NEK1: variants seen among roughly 807,000 people sequenced by gnomAD.
NEK1 encodes the protein NIMA related kinase 1.
In NEK1, 137 loss-of-function variants were observed where a neutral mutation model predicts 182.1. The ratio of observed to expected loss-of-function variants is 0.75; its 90% confidence interval spans 0.65 to 0.87. The LOEUF (loss-of-function observed/expected upper bound fraction) is 0.87. Ranked by LOEUF, NEK1 falls within the 40% of genes least tolerant of loss-of-function variation. NEK1 has a pLI of 0.00. For missense variants in NEK1, 1,391 were observed against 1,494.4 expected (o/e 0.93, Z 1.14); for synonymous variants, 513 against 492.2 (o/e 1.04, Z -0.56).
chr4:169,450,055 G>C (rs190890620), intron 27 of NEK1, among the ~76,000 whole-genome samples: 1 of 152,134 alleles, frequency 6.6e-6, no homozygotes, highest in Non-Finnish European at 1.5e-5. Flanking sequence ...TAGCTGATTC[G>C]ATCAAGTGGA....
chr4:169,445,530 A>G (rs1486251070), intron 27 of NEK1, among the ~76,000 whole-genome samples: 1 of 152,192 alleles, frequency 6.6e-6, no homozygotes, highest in African/African-American at 2.4e-5. Flanking sequence ...AGCAACATGG[A>G]TGGAGCTGGA....
intron 19 of NEK1, among the ~76,000 whole-genome samples, chr4:169,536,169 C>T (rs1758466540): frequency 6.6e-6 from 1 of 151,584 alleles, no homozygotes; most frequent in Admixed American, 6.6e-5. Flanking sequence ...TGGTGGTACA[C>T]ACCTGTGATC....
intron 2 of NEK1, among the ~76,000 whole-genome samples, chr4:169,603,578 T>A (rs1178071230): frequency 1.3e-5 from 2 of 152,222 alleles, no homozygotes; most frequent in Admixed American, 1.3e-4. Flanking sequence ...TTGGCACATA[T>A]GAACACTGTG....
intron 23 of NEK1, among the ~76,000 whole-genome samples, chr4:169,502,535 T>C (rs1331302894): frequency 6.6e-6 from 1 of 152,038 alleles, no homozygotes; most frequent in Non-Finnish European, 1.5e-5. Context: ...AAAATTTGTA[T>C]GATCAAGTGA....
Position 169,565,178 on chromosome 4 carries a change from T to C in NEK1, c.1021-2982A>G, listed in dbSNP as rs559338500. 7.2e-5 allele frequency among the ~76,000 whole-genome samples: 11 copies of C among 152,334 alleles called. No individual in the cohort carries two copies. In the East Asian group the frequency reaches 2.1e-3, roughly 29 times the overall value. On this transcript the variant is annotated intron_variant, in intron 12 of 35. Coordinates refer to ENST00000507142, the MANE Select transcript of NEK1 (RefSeq NM_001199397.3). Reference sequence around the variant, plus strand: ...GAGATAAAAACAATACTGAAATATTTAAAGAACATTAGCTTTCAAACTTTT... The same window carrying C: ...GAGATAAAAACAATACTGAAATATTCAAAGAACATTAGCTTTCAAACTTTT...
intron 35 of NEK1, among the ~76,000 whole-genome samples, chr4:169,394,832 G>A (rs1053062867): frequency 2.0e-5 from 3 of 152,080 alleles, no homozygotes; most frequent in Non-Finnish European, 4.4e-5. Context: ...TGAAACATAG[G>A]TTTTCCACTG....
In NEK1 at chr4:169,438,190, T is replaced by A; in HGVS notation, c.2657A>T (p.His886Leu). The A allele has an allele frequency of 6.3e-7, 1 of 1,593,088 alleles. No homozygotes were observed. The highest frequency in any genetic ancestry group is 8.6e-7 in the Non-Finnish European group (1 of 1,167,868). ...AACAATAGCTGATGGGTTTATTTCA[T>A]GTGAAATACATTGTACTTTTTTTTC... Reference protein sequence around the residue: ...TGEKKVQCISHEINPSAIVDS... With the variant: ...TGEKKVQCISLEINPSAIVDS... The change falls in exon 28 of 36, where the codon CAT becomes CTT. Residue 886 changes from histidine to leucine, a missense_variant. Transcript: ENST00000507142.
chr4:169,493,110 G>A (rs1750430243), intron 23 of NEK1, among the ~76,000 whole-genome samples: 1 of 152,098 alleles, frequency 6.6e-6, no homozygotes, highest in African/African-American at 2.4e-5. Flanking sequence ...CTGGACTGCA[G>A]CCTGAATTAC....
chr4:169,461,931 A>T (rs1413309969), intron 27 of NEK1, among the ~76,000 whole-genome samples: 2 of 152,132 alleles, frequency 1.3e-5, no homozygotes, highest in Admixed American at 1.3e-4. Context: ...GACTGAATGA[A>T]GAGAAATCAT....
chr4:169,477,683 T>C (rs981126951), intron 24 of NEK1, among the ~76,000 whole-genome samples, 186 bp from the exon 25 acceptor site: 4 of 152,026 alleles, frequency 2.6e-5, no homozygotes, highest in Non-Finnish European at 4.4e-5. Context: ...TATTATTAAT[T>C]AGACAACATA....
At chr4:169,410,894 G>A (rs777370463) in intron 31 of NEK1, among the ~76,000 whole-genome samples, 1 of 152,208 alleles carries the variant, frequency 6.6e-6, no homozygotes, top group Non-Finnish European at 1.5e-5. Flanking sequence ...CCCCTAAAGT[G>A]AAGAAACACG....
chr4:169,552,795 G>A (rs376797020), intron 18 of NEK1, among the ~76,000 whole-genome samples: 31 of 152,068 alleles, frequency 2.0e-4, no homozygotes, highest in African/African-American at 7.2e-4. Flanking sequence ...ATATAAACAA[G>A]GAACAAGTAG....
intron 16 of NEK1, 143 bp downstream of exon 16, chr4:169,561,337 C>T (rs1162771733): frequency 1.4e-6 from 1 of 697,992 alleles, no homozygotes; most frequent in East Asian, 2.7e-5. Flanking sequence ...GCTAAGTATT[C>T]ATAATAAATG....
chr4:169,452,565 CAT>C (rs1742026513), intron 27 of NEK1, among the ~76,000 whole-genome samples: 1 of 152,186 alleles, frequency 6.6e-6, no homozygotes, highest in Non-Finnish European at 1.5e-5. Context: ...ACAAAAACCA[CAT>C]GATTATCTCA....
chr4:169,445,620 A>C (rs1018631397), intron 27 of NEK1, among the ~76,000 whole-genome samples: 1 of 151,904 alleles, frequency 6.6e-6, no homozygotes, highest in African/African-American at 2.4e-5. Context: ...AACCTAAATA[A>C]TTGGTACACA....
At chr4:169,457,396 G>A (rs1743095884) in intron 27 of NEK1, among the ~76,000 whole-genome samples, 1 of 151,342 alleles carries the variant, frequency 6.6e-6, no homozygotes, top group Non-Finnish European at 1.5e-5. Context: ...TTGACTGAGA[G>A]GAAAGGCAAA....
intron 26 of NEK1, among the ~76,000 whole-genome samples, chr4:169,463,754 A>G (rs1053809755): frequency 3.3e-5 from 5 of 152,178 alleles, no homozygotes; most frequent in Non-Finnish European, 5.9e-5. Flanking sequence ...GTGCATATAC[A>G]TAACGAGAAT....
intron 18 of NEK1, among the ~76,000 whole-genome samples, chr4:169,541,059 C>G (rs1464576054): frequency 6.6e-6 from 1 of 151,556 alleles, no homozygotes; most frequent in Non-Finnish European, 1.5e-5. Context: ...TTGAAGACAA[C>G]ATAAAAATAA....
intron 35 of NEK1, among the ~76,000 whole-genome samples, chr4:169,399,916 C>A (rs1731365388): frequency 1.3e-5 from 2 of 152,176 alleles, no homozygotes; most frequent in Non-Finnish European, 2.9e-5. Context: ...TAAACCACGG[C>A]ACCCGGCTAG....
Sources: gnomAD v4.1 joint callset for allele counts (sites outside exome capture counted in the v4.1 genomes callset) on GRCh38, gnomAD v4.1.1 for gene constraint, MANE v1.5 for transcripts, NCBI Gene and HGNC (gene_info 2026-07-23, HGNC 2026-07-21) for gene names.